Variants in RGS7 observed in about 807,000 individuals in gnomAD.
RGS7 encodes regulator of G-protein signaling 7.
A neutral mutation model predicts 81.1 loss-of-function variants in RGS7; 27 were observed. The observed-to-expected ratio is 0.33, with a 90% CI of 0.25 to 0.46. The LOEUF is 0.46. RGS7 is among the 20% of genes least tolerant of loss of function. The probability of loss-of-function intolerance (pLI) is 1.00; values close to 1 mark genes in which losing one functional copy is unlikely to be tolerated. For synonymous variants in RGS7, 208 were observed against 207.7 expected (o/e 1.00, Z -0.01); for missense variants, 396 against 607.4 (o/e 0.65, Z 3.66).
intron 2 of RGS7, among the ~76,000 whole-genome samples, chr1:241,248,755 C>T (rs566122285): frequency 1.4e-4 from 21 of 152,238 alleles, no homozygotes; most frequent in Admixed American, 2.6e-4. Flanking sequence ...GATTCAAACA[C>T]GAGCAAGGCA....
intron 2 of RGS7, among the ~76,000 whole-genome samples, chr1:241,279,142 CAT>C (rs1264165545): frequency 6.6e-6 from 1 of 151,138 alleles, no homozygotes; most frequent in Non-Finnish European, 1.5e-5. Flanking sequence ...TATAATATAA[CAT>C]ATAACTTTAT....
intron 3 of RGS7, among the ~76,000 whole-genome samples, chr1:241,048,219 C>G (rs2148795669): frequency 6.6e-6 from 1 of 152,144 alleles, no homozygotes; most frequent in East Asian, 1.9e-4. Context: ...GTTCGTAACC[C>G]TGGGACAGGA....
chr1:240,848,062 C>A (rs539637764), intron 9 of RGS7, among the ~76,000 whole-genome samples: 4 of 152,130 alleles, frequency 2.6e-5, no homozygotes, highest in Non-Finnish European at 4.4e-5. Flanking sequence ...AGGGGTTCTG[C>A]AAGATCAAAA....
At chr1:241,289,565 C>T (rs977831104) in intron 2 of RGS7, among the ~76,000 whole-genome samples, 37 of 152,288 alleles carry the variant, frequency 2.4e-4, no homozygotes, top group South Asian at 6.2e-4. Context: ...TGAGAATTTA[C>T]GGAACTTCCA....
At chr1:240,946,754 A>G (rs1321659188) in intron 4 of RGS7, among the ~76,000 whole-genome samples, 2 of 152,186 alleles carry the variant, frequency 1.3e-5, no homozygotes, top group African/African-American at 4.8e-5. Context: ...AGGCTGGTCA[A>G]TGGGTACAAA....
At chr1:241,109,892 A>T (rs915980575) in intron 2 of RGS7, among the ~76,000 whole-genome samples, 4 of 152,102 alleles carry the variant, frequency 2.6e-5, no homozygotes, top group African/African-American at 9.7e-5. Flanking sequence ...CAGGAGGCAG[A>T]GGTTGCAGTG....
rs74665554 is a variant in RGS7, at chr1:241,154,741, G to A, written c.79-55979C>T. ...ATTGGCAGAGCTGGGAGACTTATTG[G>A]ATGACAAGGGCAAAGAGGAGAGAGA... On this transcript the variant is annotated intron_variant, in intron 2 of 18. Coordinates refer to ENST00000440928, the MANE Select transcript of RGS7 (RefSeq NM_001364886.1). 1.4e-4 allele frequency among the ~76,000 whole-genome samples: 22 copies of A among 152,268 alleles called. No individual in the cohort carries two copies. In the East Asian group the frequency reaches 3.9e-3, roughly 27 times the overall value.
chr1:241,092,894 A>T (rs1324875418), intron 3 of RGS7, among the ~76,000 whole-genome samples: 1 of 152,152 alleles, frequency 6.6e-6, no homozygotes. Context: ...AAAGAAAGGC[A>T]GATATGTCAG....
intron 6 of RGS7, among the ~76,000 whole-genome samples, chr1:240,886,892 T>TA (rs1013078071): frequency 6.6e-6 from 1 of 152,210 alleles, no homozygotes; most frequent in African/African-American, 2.4e-5. Context: ...CCATGTGGTA[T>TA]AATAGAAGGA....
At chr1:241,246,757 T>C (rs1319763549) in intron 2 of RGS7, among the ~76,000 whole-genome samples, 1 of 152,064 alleles carries the variant, frequency 6.6e-6, no homozygotes, top group Non-Finnish European at 1.5e-5. Context: ...TTGTTGTTTT[T>C]TTTTCTATTA....
At chr1:240,948,960 G>A (rs1481147066) in intron 4 of RGS7, among the ~76,000 whole-genome samples, 1 of 151,954 alleles carries the variant, frequency 6.6e-6, no homozygotes, top group African/African-American at 2.4e-5. Flanking sequence ...CATTTGCTGG[G>A]AAGAAATGGC....
intron 2 of RGS7, among the ~76,000 whole-genome samples, chr1:241,342,278 A>T (rs12127999): frequency 0.092 from 13,978 of 152,212 alleles, 865 homozygotes; most frequent in South Asian, 0.23. Flanking sequence ...AAAGGCAGGA[A>T]TAGGAAAATA....
intron 2 of RGS7, among the ~76,000 whole-genome samples, chr1:241,167,173 T>C (rs920967539): frequency 1.3e-5 from 2 of 152,194 alleles, no homozygotes; most frequent in African/African-American, 4.8e-5. Flanking sequence ...GGACTTCAGT[T>C]CAGATGCAGT....
At chr1:240,991,649 T>C (rs780119091) in intron 3 of RGS7, among the ~76,000 whole-genome samples, 19 of 152,230 alleles carry the variant, frequency 1.2e-4, no homozygotes, top group Non-Finnish European at 2.8e-4. Flanking sequence ...TGGATCCCTT[T>C]TTAAAGACCA....
intron 6 of RGS7, among the ~76,000 whole-genome samples, chr1:240,910,477 G>A (rs1437987325): frequency 6.6e-6 from 1 of 152,166 alleles, no homozygotes; most frequent in African/African-American, 2.4e-5. Context: ...TTGGTTAAAG[G>A]ATAGAAATTT....
At chr1:241,284,984 C>A (rs2078724984) in intron 2 of RGS7, among the ~76,000 whole-genome samples, 1 of 152,174 alleles carries the variant, frequency 6.6e-6, no homozygotes, top group Non-Finnish European at 1.5e-5. Context: ...CATTCTCCTG[C>A]CTCAGCCTCC....
At position 241,130,927 on chromosome 1, in the gene RGS7, CAA is replaced by C. The variant is rs11365447; in HGVS notation, c.79-32167_79-32166del. ...AATAATAGGATAAAAGGCTTAATTA[CAA>C]AAAAAAAAAAAAAAAACCAAGAGGC... is the stretch of plus-strand genomic sequence containing the variant. On this transcript the variant is annotated intron_variant, in intron 2 of 18. Coordinates refer to ENST00000440928, the MANE Select transcript of RGS7 (RefSeq NM_001364886.1). Among the ~76,000 whole-genome samples the C allele has an allele frequency of 1.3e-3, 116 of 90,162 alleles. 2 individuals are homozygous for C. The East Asian group carries it at 0.022, about 17-fold the overall frequency. The allele number at this position is 90,162 out of a possible 152,430, so 59.1% of individuals were successfully genotyped here. A position where few individuals can be genotyped will look rare whatever the true frequency, so the allele number is the denominator to read the frequency against.
chr1:240,900,885 A>G (rs113840774), intron 6 of RGS7, among the ~76,000 whole-genome samples: 19,503 of 152,190 alleles, frequency 0.13, 1,369 homozygotes, highest in Middle Eastern at 0.18. Flanking sequence ...ATGCCCTGCC[A>G]CCAGAGGTGG....
intron 3 of RGS7, among the ~76,000 whole-genome samples, chr1:241,050,281 A>T (rs2061177973): frequency 6.6e-6 from 1 of 152,060 alleles, no homozygotes; most frequent in African/African-American, 2.4e-5. Flanking sequence ...GGATGGTGTG[A>T]ATAGAGCTTG....
Sources: allele counts gnomAD v4.1 joint callset (sites outside exome capture counted in the v4.1 genomes callset), GRCh38; gene constraint gnomAD v4.1.1; transcripts MANE v1.5; gene names NCBI Gene and HGNC (gene_info 2026-07-23, HGNC 2026-07-21).